Variants in YAP1 observed in about 807,000 individuals in gnomAD.
YAP1 encodes Yes1 associated transcriptional regulator.
YAP1 carries 5 observed loss-of-function variants against 56.9 expected under a neutral mutation model. The ratio of observed to expected loss-of-function variants is 0.09; its 90% CI spans 0.05 to 0.18. The LOEUF (loss-of-function observed/expected upper bound fraction) is 0.18. YAP1 is among the 10% of genes least tolerant of loss of function. YAP1 has a pLI of 1.00. For synonymous variants in YAP1, 265 were observed against 248.1 expected, an observed-to-expected ratio of 1.07 and a Z score of -0.64; for missense variants, 539 against 651.8, an observed-to-expected ratio of 0.83 and a Z score of 1.88.
chr11:102,200,821 C>T (rs1948816299), intron 4 of YAP1, among the ~76,000 whole-genome samples: 1 of 152,104 alleles, frequency 6.6e-6, no homozygotes, highest in Non-Finnish European at 1.5e-5. Flanking sequence ...ATCACAGACA[C>T]AGATTTCTTA....
chr11:102,131,960 A>G (rs1294288321), intron 2 of YAP1, among the ~76,000 whole-genome samples: 1 of 152,114 alleles, frequency 6.6e-6, no homozygotes, highest in Non-Finnish European at 1.5e-5. Context: ...TCTACTAAAA[A>G]TAGAAAAATT....
intron 4 of YAP1, among the ~76,000 whole-genome samples, chr11:102,190,427 TC>T (rs1463607839): frequency 6.6e-6 from 1 of 151,862 alleles, no homozygotes; most frequent in East Asian, 1.9e-4. Flanking sequence ...GGCCAGGAGT[TC>T]CTGACCAGCC....
intron 2 of YAP1, among the ~76,000 whole-genome samples, chr11:102,122,915 A>AAAAAAAAAAC: frequency 6.8e-6 from 1 of 147,358 alleles, no homozygotes; most frequent in African/African-American, 2.6e-5. Context: ...AAAAAAAAAA[A>AAAAAAAAAAC]AGCAAAGAAA....
At position 102,204,832 on chromosome 11, in the gene YAP1, T is replaced by C. The variant is rs1565266317; in HGVS notation, c.803-1061T>C. Among the ~76,000 whole-genome samples, 3 of 152,194 alleles carry C rather than the reference T, an allele frequency of 2.0e-5. No homozygotes were observed. In the South Asian group the frequency reaches 6.2e-4, roughly 31 times the overall value. ...CTTATAAGTGTTGGAAAGTATTCTT[T>C]CCTTGTTATGCTCTGGAAGAGGCTG... On this transcript the variant is annotated intron_variant, in intron 4 of 8. Transcript: ENST00000282441.
At chr11:102,187,640 G>C (rs1173797131) in intron 4 of YAP1, among the ~76,000 whole-genome samples, 1 of 152,118 alleles carries the variant, frequency 6.6e-6, no homozygotes, top group Non-Finnish European at 1.5e-5. Context: ...GATGACGAAC[G>C]CTTTACCAAC....
intron 4 of YAP1, among the ~76,000 whole-genome samples, chr11:102,193,771 C>G (rs1948425430): frequency 6.6e-6 from 1 of 151,722 alleles, no homozygotes; most frequent in Admixed American, 6.6e-5. Flanking sequence ...ATTCGTGTTA[C>G]TAAAGCCGCT....
At chr11:102,156,123 G>A (rs1035566749) in intron 2 of YAP1, among the ~76,000 whole-genome samples, 3 of 152,080 alleles carry the variant, frequency 2.0e-5, no homozygotes, top group Admixed American at 2.0e-4. Flanking sequence ...ATATAAGAAA[G>A]TTCACTTCTT....
At chr11:102,222,761 A>G (rs1949994170) in intron 6 of YAP1, among the ~76,000 whole-genome samples, 1 of 152,076 alleles carries the variant, frequency 6.6e-6, no homozygotes. Context: ...AGAAAAACCT[A>G]AAGTCAAAAT....
At chr11:102,200,628 A>G (rs1948804675) in intron 4 of YAP1, among the ~76,000 whole-genome samples, 1 of 151,846 alleles carries the variant, frequency 6.6e-6, no homozygotes, top group African/African-American at 2.4e-5. Flanking sequence ...TATTTTTAGT[A>G]GAGATAGGGT....
At chr11:102,175,132 C>T (rs1157317984) in intron 3 of YAP1, among the ~76,000 whole-genome samples, 1 of 152,130 alleles carries the variant, frequency 6.6e-6, no homozygotes, top group Non-Finnish European at 1.5e-5. Flanking sequence ...TTATTTTCAT[C>T]AGTATGTTTA....
chr11:102,151,117 C>G (rs1945630063), intron 2 of YAP1, among the ~76,000 whole-genome samples: 1 of 152,052 alleles, frequency 6.6e-6, no homozygotes, highest in South Asian at 2.1e-4. Context: ...CGTCAGCCAC[C>G]ACGCCTGGCT....
chr11:102,232,307 A>C lies in YAP1; in HGVS notation c.*2367A>C. 1 of 146,990 alleles carries C rather than the reference A, an allele frequency of 6.8e-6. No homozygotes were observed. The highest frequency in any genetic ancestry group is 2.2e-4 in the South Asian group (1 of 4,590). 9.1% of individuals were successfully genotyped at this position (146,990 alleles called of 1,614,324 possible). A position where few individuals can be genotyped will look rare whatever the true frequency, so the allele number is the denominator to read the frequency against. On this transcript the variant is annotated 3_prime_UTR_variant, in exon 9 of 9. Transcript: ENST00000282441. ...GGGGGGGTTGTGAAGATTTAGGGGG[A>C]CCTTGATAGAGAACTTTATAAACTT...
At chr11:102,196,377 T>C (rs1948573483) in intron 4 of YAP1, among the ~76,000 whole-genome samples, 2 of 152,204 alleles carry the variant, frequency 1.3e-5, no homozygotes, top group African/African-American at 2.4e-5. Context: ...TGGAATATTA[T>C]TTGGCAATTA....
At chr11:102,159,551 C>T (rs1252598284) in intron 2 of YAP1, among the ~76,000 whole-genome samples, 1 of 152,200 alleles carries the variant, frequency 6.6e-6, no homozygotes, top group East Asian at 1.9e-4. Flanking sequence ...AAAACATATT[C>T]TTGGCCCATT....
At chr11:102,229,661 TTTTC>T in intron 8 of YAP1, 37 bp from the exon 9 acceptor site, 1 of 1,588,992 alleles carries the variant, frequency 6.3e-7, no homozygotes, top group Non-Finnish European at 8.6e-7. Flanking sequence ...TGATGTTAGC[TTTTC>T]AAAAAGGACT....
chr11:102,126,720 C>G (rs1041645482), intron 2 of YAP1, among the ~76,000 whole-genome samples: 25 of 152,292 alleles, frequency 1.6e-4, no homozygotes, highest in African/African-American at 5.5e-4. Context: ...TTGGAAGTGA[C>G]TTTGGAACTG....
At chr11:102,183,702 C>CTGTGTGTGTGTG (rs140546191) in intron 3 of YAP1, among the ~76,000 whole-genome samples, 5,485 of 141,700 alleles carry the variant, frequency 0.039, 134 homozygotes, top group East Asian at 0.067. Context: ...AATGCTGTTT[C>CTGTGTGTGTGTG]TGTGTGTGTG....
intron 6 of YAP1, among the ~76,000 whole-genome samples, chr11:102,212,082 G>GC (rs1479589831): frequency 1.3e-5 from 2 of 152,204 alleles, no homozygotes; most frequent in African/African-American, 4.8e-5. Context: ...GGACTTTTCA[G>GC]CCCCAAAGAA....
intron 3 of YAP1, 114 bp from the exon 4 acceptor site, chr11:102,185,904 A>T: frequency 9.4e-7 from 1 of 1,061,798 alleles, no homozygotes; most frequent in Non-Finnish European, 1.3e-6. Context: ...AATATGTTTC[A>T]ATGAATTGTT....
Sources: allele counts gnomAD v4.1 joint callset (sites outside exome capture counted in the v4.1 genomes callset), GRCh38; gene constraint gnomAD v4.1.1; transcripts MANE v1.5; gene names NCBI Gene and HGNC (gene_info 2026-07-23, HGNC 2026-07-21).